Variants in SAMSN1 observed in about 807,000 individuals in gnomAD.
SAMSN1 encodes the protein SAM domain, SH3 domain and nuclear localization signals 1.
SAMSN1 carries 31 observed loss-of-function variants against 42.0 expected under a neutral mutation model. That is an observed-to-expected ratio of 0.74 (90% CI 0.55 to 1.00). SAMSN1 has a LOEUF of 1.00. SAMSN1 is among the 50% of genes least tolerant of loss of function. SAMSN1 has a pLI of 0.00. For missense variants in SAMSN1, 464 were observed against 439.4 expected, an observed-to-expected ratio of 1.06 and a Z score of -0.50; for synonymous variants, 178 against 151.9, an observed-to-expected ratio of 1.17 and a Z score of -1.26.
intron 1 of SAMSN1, among the ~76,000 whole-genome samples, chr21:14,644,478 G>C (rs1035951887): frequency 6.6e-6 from 1 of 152,102 alleles, no homozygotes; most frequent in Non-Finnish European, 1.5e-5. Flanking sequence ...TTCATTACCT[G>C]CTAACCGAAG....
At chr21:14,501,665 T>C (rs1393784842) in intron 5 of SAMSN1, among the ~76,000 whole-genome samples, 3 of 152,022 alleles carry the variant, frequency 2.0e-5, no homozygotes, top group Admixed American at 6.5e-5. Flanking sequence ...AGTATTTCAT[T>C]CATCTAAAAT....
At chr21:14,595,883 A>T (rs1406253416) in intron 6 of SAMSN1, among the ~76,000 whole-genome samples, 1 of 152,158 alleles carries the variant, frequency 6.6e-6, no homozygotes, top group South Asian at 2.1e-4. Context: ...ACAGTATATA[A>T]GAGTGCATTT....
At chr21:14,645,040 C>T (rs935596159) in intron 1 of SAMSN1, among the ~76,000 whole-genome samples, 1 of 152,196 alleles carries the variant, frequency 6.6e-6, no homozygotes, top group Admixed American at 6.5e-5. Context: ...ACTCTAATCC[C>T]TGACTCCTGG....
At chr21:14,611,892 G>A (rs1450725293) in intron 4 of SAMSN1, among the ~76,000 whole-genome samples, 2 of 152,080 alleles carry the variant, frequency 1.3e-5, no homozygotes, top group African/African-American at 2.4e-5. Flanking sequence ...CTCTGCTGGG[G>A]AGAAGGAAAG....
chr21:14,514,179 G>A (rs1222721208), intron 3 of SAMSN1, among the ~76,000 whole-genome samples: 1 of 152,196 alleles, frequency 6.6e-6, no homozygotes, highest in Non-Finnish European at 1.5e-5. Context: ...TCAGTATTCT[G>A]CTGAAGTATG....
chr21:14,553,750 T>C (rs1980671959), intron 2 of SAMSN1, among the ~76,000 whole-genome samples: 1 of 152,170 alleles, frequency 6.6e-6, no homozygotes. Context: ...TTTCAGAGTG[T>C]TGAGAAGTCT....
At chr21:14,645,092 G>T (rs890560602) in intron 1 of SAMSN1, among the ~76,000 whole-genome samples, 1 of 152,196 alleles carries the variant, frequency 6.6e-6, no homozygotes, top group Non-Finnish European at 1.5e-5. Flanking sequence ...GGCCTTCAGT[G>T]CCCTGAAGGG....
intron 2 of SAMSN1, among the ~76,000 whole-genome samples, chr21:14,578,038 G>A (rs537427527): frequency 1.4e-4 from 21 of 152,154 alleles, no homozygotes; most frequent in South Asian, 6.2e-4. Flanking sequence ...GTATCTCAAC[G>A]GAATAAAATG....
chr21:14,558,986 A>G (rs1324658811), intron 2 of SAMSN1, among the ~76,000 whole-genome samples: 1 of 152,170 alleles, frequency 6.6e-6, no homozygotes. Context: ...CCTGCAAAGC[A>G]TTCATTGAAA....
chr21:14,581,340 A>ATTTATTTTTTTTTTT (rs1404934178), intron 2 of SAMSN1, among the ~76,000 whole-genome samples: 1 of 22,534 alleles, frequency 4.4e-5, no homozygotes. Context: ...GGGAAATAAT[A>ATTTATTTTTTTTTTT]TTTCTTTTTT....
At chr21:14,645,731 T>G (rs1008186563) in intron 1 of SAMSN1, among the ~76,000 whole-genome samples, 1 of 152,212 alleles carries the variant, frequency 6.6e-6, no homozygotes, top group Non-Finnish European at 1.5e-5. Flanking sequence ...TTGAAATAGA[T>G]GTGTTGAGGA....
At chr21:14,500,772 A>T in intron 5 of SAMSN1, 37 bp from the exon 6 acceptor site, 1 of 1,439,916 alleles carries the variant, frequency 6.9e-7, no homozygotes, top group Non-Finnish European at 9.8e-7. Flanking sequence ...TAGATTTCAG[A>T]GAACCTCACT....
intron 2 of SAMSN1, chr21:14,616,095 G>A: frequency 9.2e-6 from 4 of 433,716 alleles, no homozygotes; most frequent in Non-Finnish European, 1.7e-5. Context: ...ATCTGAAAGA[G>A]AATTCATTCA....
At chr21:14,519,812 A>G (rs1978339370) in intron 2 of SAMSN1, among the ~76,000 whole-genome samples, 1 of 152,068 alleles carries the variant, frequency 6.6e-6, no homozygotes, top group Non-Finnish European at 1.5e-5. Flanking sequence ...GGTAAACAGT[A>G]TTTTCAGTTT....
At chr21:14,499,554 A>G (rs1049717714) in intron 6 of SAMSN1, among the ~76,000 whole-genome samples, 3 of 151,560 alleles carry the variant, frequency 2.0e-5, no homozygotes, top group Admixed American at 6.6e-5. Flanking sequence ...AAAAAAGTAT[A>G]TTCTTAGCAC....
chr21:14,650,190 G>A (rs1050615487), intron 1 of SAMSN1, among the ~76,000 whole-genome samples: 1 of 152,058 alleles, frequency 6.6e-6, no homozygotes, highest in African/African-American at 2.4e-5. Context: ...AGAGTAAATT[G>A]ATCTAATAGA....
chr21:14,577,287 T>A lies in SAMSN1; in HGVS notation c.261+4849A>T, dbSNP rs530483700. Among the ~76,000 whole-genome samples the A allele has an allele frequency of 2.3e-3, 255 of 112,468 alleles. 6 individuals are homozygous for A. The highest frequency in any genetic ancestry group is 8.1e-3 in the Middle Eastern group (2 of 246). 73.8% of individuals were successfully genotyped at this position (112,468 alleles called of 152,430 possible). ...ATATATATATATATATATATATATT[T>A]TTTTTTTAGAAGAGACAGGGTTTTA... On this transcript the variant is annotated intron_variant, in intron 2 of 8. Coordinates refer to the SAMSN1 transcript ENST00000285670.
chr21:14,649,434 A>C (rs1983786369), intron 1 of SAMSN1, among the ~76,000 whole-genome samples: 1 of 152,110 alleles, frequency 6.6e-6, no homozygotes, highest in Non-Finnish European at 1.5e-5. Context: ...AATAAAAGAA[A>C]AAATTTTAAA....
chr21:14,581,610 C>A (rs953446512), intron 2 of SAMSN1, among the ~76,000 whole-genome samples: 1 of 151,586 alleles, frequency 6.6e-6, no homozygotes, highest in African/African-American at 2.4e-5. Flanking sequence ...CCTCCCGCCT[C>A]GGCCTCCCAA....
Sources: allele counts gnomAD v4.1 joint callset (sites outside exome capture counted in the v4.1 genomes callset), GRCh38; gene constraint gnomAD v4.1.1; transcripts MANE v1.5; gene names NCBI Gene and HGNC (gene_info 2026-07-23, HGNC 2026-07-21).